Variants in PRKD1 observed in about 807,000 individuals in gnomAD.
The protein encoded by PRKD1 is protein kinase D1.
In PRKD1, 63 loss-of-function variants were observed where a neutral mutation model predicts 95.9. The observed-to-expected ratio is 0.66, with a 90% CI of 0.54 to 0.81. The LOEUF (loss-of-function observed/expected upper bound fraction) is 0.81, where lower values mean the gene tolerates loss of function less well. Ranked by LOEUF, PRKD1 falls within the 30% of genes least tolerant of loss-of-function variation. The pLI is 0.00. For synonymous variants in PRKD1, 425 were observed against 423.1 expected (o/e 1.00, Z -0.05); for missense variants, 1,048 against 1,165.3 (o/e 0.90, Z 1.47).
At chr14:29,793,867 G>A (rs1295871119) in intron 1 of PRKD1, among the ~76,000 whole-genome samples, 1 of 151,852 alleles carries the variant, frequency 6.6e-6, no homozygotes. Flanking sequence ...GTAAAATTAA[G>A]GAGAGAAAAT....
chr14:29,843,808 T>C lies in PRKD1; in HGVS notation c.264+83441A>G, dbSNP rs117768721. Among the ~76,000 whole-genome samples, 303 of 152,216 alleles carry C rather than the reference T, an allele frequency of 2.0e-3. 1 individual carries two copies. The highest frequency in any genetic ancestry group is 3.1e-3 in the Non-Finnish European group (214 of 67,996). ...AAAGTATGTTAGAAAATGGTAAATG[T>C]TATAGAGAAAACAGTATGGGAGATT... On this transcript the variant is annotated intron_variant, in intron 1 of 17. Transcript: ENST00000331968.
intron 1 of PRKD1, among the ~76,000 whole-genome samples, chr14:29,902,450 G>A (rs553482515): frequency 6.6e-6 from 1 of 152,254 alleles, no homozygotes; most frequent in African/African-American, 2.4e-5. Context: ...CAAATTAACA[G>A]TTGTTAATTG....
intron 1 of PRKD1, among the ~76,000 whole-genome samples, chr14:29,807,966 C>T (rs1010587962): frequency 3.2e-4 from 49 of 152,092 alleles, no homozygotes; most frequent in African/African-American, 1.2e-3. Flanking sequence ...AAGTGATTCG[C>T]CCGCCTTGGC....
At chr14:29,655,731 T>C (rs1881795903) in intron 4 of PRKD1, among the ~76,000 whole-genome samples, 1 of 152,002 alleles carries the variant, frequency 6.6e-6, no homozygotes, top group Non-Finnish European at 1.5e-5. Context: ...TTAAAGGAAA[T>C]TTGTGTTTTT....
At chr14:29,916,592 A>C (rs1234859903) in intron 1 of PRKD1, among the ~76,000 whole-genome samples, 2 of 152,116 alleles carry the variant, frequency 1.3e-5, no homozygotes, top group East Asian at 1.9e-4. Flanking sequence ...TGTTCTGAGG[A>C]TCTAACAGCA....
intron 1 of PRKD1, among the ~76,000 whole-genome samples, chr14:29,795,863 T>C (rs1210801463): frequency 6.6e-6 from 1 of 152,104 alleles, no homozygotes; most frequent in Non-Finnish European, 1.5e-5. Context: ...AGCAGTGCAG[T>C]TGACTGCCTA....
intron 2 of PRKD1, among the ~76,000 whole-genome samples, chr14:29,686,624 G>A (rs1241251851): frequency 2.0e-5 from 3 of 152,166 alleles, no homozygotes; most frequent in Non-Finnish European, 4.4e-5. Context: ...ATTCCAGGTT[G>A]AGGGCTTTGC....
chr14:29,687,917 C>T (rs1459511440), intron 2 of PRKD1, among the ~76,000 whole-genome samples: 1 of 152,156 alleles, frequency 6.6e-6, no homozygotes, highest in African/African-American at 2.4e-5. Context: ...ATTTCATCTA[C>T]CTAATACTTG....
intron 2 of PRKD1, among the ~76,000 whole-genome samples, chr14:29,694,983 A>G (rs1315571923): frequency 1.3e-5 from 2 of 152,198 alleles, no homozygotes; most frequent in Admixed American, 6.5e-5. Context: ...CTGTAATCTC[A>G]GCACTTTGGG....
chr14:29,885,124 T>TAAAAA (rs1220944588), intron 1 of PRKD1, among the ~76,000 whole-genome samples: 1 of 131,072 alleles, frequency 7.6e-6, no homozygotes, highest in Non-Finnish European at 1.6e-5. Context: ...CTCCATCTTT[T>TAAAAA]AAAAAAAAAA....
chr14:29,813,592 A>G (rs946369230), intron 1 of PRKD1, among the ~76,000 whole-genome samples: 2 of 152,192 alleles, frequency 1.3e-5, no homozygotes, highest in South Asian at 4.1e-4. Context: ...AGAGACAGAC[A>G]CTACCCAAAG....
intron 2 of PRKD1, among the ~76,000 whole-genome samples, chr14:29,666,705 C>T (rs1290766889): frequency 6.6e-6 from 1 of 152,018 alleles, no homozygotes; most frequent in African/African-American, 2.4e-5. Flanking sequence ...ATATGAGTGG[C>T]TTCCTTATAT....
At chr14:29,776,537 G>C (rs544246258) in intron 1 of PRKD1, among the ~76,000 whole-genome samples, 65 of 152,300 alleles carry the variant, frequency 4.3e-4, no homozygotes, top group African/African-American at 1.5e-3. Flanking sequence ...CTGGAAGAAA[G>C]GGTATCAGTG....
intron 11 of PRKD1, among the ~76,000 whole-genome samples, chr14:29,627,508 AT>A: frequency 6.6e-6 from 1 of 152,352 alleles, no homozygotes; most frequent in South Asian, 2.1e-4. Flanking sequence ...TGAATAAAGC[AT>A]CTTTTAAATC....
intron 3 of PRKD1, among the ~76,000 whole-genome samples, chr14:29,664,158 C>A (rs1246677940): frequency 6.6e-6 from 1 of 152,106 alleles, no homozygotes; most frequent in African/African-American, 2.4e-5. Flanking sequence ...ATTAGATAAT[C>A]TGAGCCACTT....
intron 13 of PRKD1, among the ~76,000 whole-genome samples, chr14:29,616,797 TA>T (rs2074500278): frequency 6.6e-6 from 1 of 152,194 alleles, no homozygotes; most frequent in Admixed American, 6.5e-5. Flanking sequence ...CACACCTTTT[TA>T]AAATATTTTC....
intron 1 of PRKD1, among the ~76,000 whole-genome samples, chr14:29,871,340 T>C (rs1196375016): frequency 6.6e-6 from 1 of 152,242 alleles, no homozygotes; most frequent in Non-Finnish European, 1.5e-5. Context: ...ATAAAAACTA[T>C]ACAATTTGAC....
intron 16 of PRKD1, among the ~76,000 whole-genome samples, chr14:29,596,507 G>T (rs1179316564): frequency 6.6e-6 from 1 of 152,120 alleles, no homozygotes; most frequent in African/African-American, 2.4e-5. Flanking sequence ...AGGCTAGAGT[G>T]CAGTGGTGCA....
chr14:29,656,806 C>T (rs1271368550), intron 4 of PRKD1, among the ~76,000 whole-genome samples: 2 of 152,046 alleles, frequency 1.3e-5, no homozygotes, highest in African/African-American at 4.8e-5. Flanking sequence ...CAGTGATGAA[C>T]GATGGTTCTT....
Sources: gnomAD v4.1 joint callset for allele counts (sites outside exome capture counted in the v4.1 genomes callset) on GRCh38, gnomAD v4.1.1 for gene constraint, MANE v1.5 for transcripts, NCBI Gene and HGNC (gene_info 2026-07-23, HGNC 2026-07-21) for gene names.